SF3B1: variants seen among roughly 807,000 people sequenced by gnomAD.
SF3B1 encodes the protein splicing factor 3b subunit 1.
Under a neutral mutation model 153.8 loss-of-function variants are expected in SF3B1, and 12 were observed. The observed-to-expected ratio is 0.08, with a 90% CI of 0.05 to 0.13. SF3B1 has a LOEUF of 0.13. SF3B1 is among the 10% of genes least tolerant of loss of function. The pLI is 1.00. For missense variants in SF3B1, 513 were observed against 1,606.1 expected, an observed-to-expected ratio of 0.32 and a Z score of 11.63; for synonymous variants, 498 against 525.2, an observed-to-expected ratio of 0.95 and a Z score of 0.71.
chr2:197,418,649 C>G (rs536644492), intron 4 of SF3B1, 61 bp from the exon 5 acceptor site: 2 of 1,571,982 alleles, frequency 1.3e-6, no homozygotes, highest in Admixed American at 1.9e-5. Flanking sequence ...GCAGGTTCAA[C>G]TGATTTATCT....
chr2:197,422,085 C>T (rs939027782), intron 2 of SF3B1, among the ~76,000 whole-genome samples: 3 of 152,082 alleles, frequency 2.0e-5, no homozygotes, highest in Admixed American at 6.6e-5. Context: ...CTTAACACCT[C>T]ACTTATTTTA....
chr2:197,395,237 A>AT (rs891729854), intron 23 of SF3B1, among the ~76,000 whole-genome samples: 4 of 152,032 alleles, frequency 2.6e-5, no homozygotes, highest in South Asian at 2.1e-4. Flanking sequence ...ATTTACCCTC[A>AT]TTTTTTTTAG....
Position 197,391,027 on chromosome 2 carries a change from A to G in SF3B1, c.*1276T>C, listed in dbSNP as rs1453428268. 1.3e-5 allele frequency: 2 copies of G among 152,224 alleles called. No individual in the cohort carries two copies. Among genetic ancestry groups the G allele is most frequent in the Admixed American group, 6.5e-5 (1 of 15,286 alleles). 9.4% of individuals were successfully genotyped at this position (152,224 alleles called of 1,614,324 possible). A position where few individuals can be genotyped will look rare whatever the true frequency, so the allele number is the denominator to read the frequency against. ...TTTTTTTTCCCTTTAGAGTTCACAG[A>G]AGTACTACCACATGGAGACAAAACA... On this transcript the variant is annotated 3_prime_UTR_variant, in exon 25 of 25. Transcript: ENST00000335508.
intron 6 of SF3B1, among the ~76,000 whole-genome samples, chr2:197,415,688 T>G (rs913795071): frequency 4.6e-5 from 7 of 152,264 alleles, no homozygotes; most frequent in East Asian, 1.9e-4. Flanking sequence ...GCTACTTTTA[T>G]GCAGCACTTA....
intron 1 of SF3B1, among the ~76,000 whole-genome samples, chr2:197,433,709 C>T (rs1001650039): frequency 1.3e-4 from 19 of 151,720 alleles, no homozygotes; most frequent in African/African-American, 4.6e-4. Context: ...ACATTCTGGT[C>T]CTAATCCAAC....
intron 5 of SF3B1, among the ~76,000 whole-genome samples, chr2:197,418,259 A>AAAAAAAAAAAAAAAAAAAAAC (rs2085185499): frequency 7.2e-6 from 1 of 138,632 alleles, no homozygotes; most frequent in African/African-American, 2.7e-5. Flanking sequence ...AAAAAAAAAA[A>AAAAAAAAAAAAAAAAAAAAAC]AAAAATCCCT....
Position 197,402,341 on chromosome 2 carries a change from C to T in SF3B1, c.2078-211G>A, listed in dbSNP as rs761655055. 5.7e-6 allele frequency: 4 copies of T among 702,358 alleles called. No individual in the cohort carries two copies. The highest frequency in any genetic ancestry group is 9.3e-6 in the Non-Finnish European group (4 of 431,958). The allele number at this position is 702,358 out of a possible 1,614,324, so 43.5% of individuals were successfully genotyped here. A position where few individuals can be genotyped will look rare whatever the true frequency, so the allele number is the denominator to read the frequency against. ...AAATCTATAGTTTGTAGAGCTATGC[C>T]TTTCCATTTATCTCCCCAAATCAGT... On this transcript the variant is annotated intron_variant, in intron 14 of 24. Coordinates refer to ENST00000335508, the MANE Select transcript of SF3B1 (RefSeq NM_012433.4). This position sits in a 1 kb window ranked among gnomAD's most constrained non-coding sequence, Gnocchi z 4.6.
intron 1 of SF3B1, among the ~76,000 whole-genome samples, chr2:197,433,874 A>C (rs555372302): frequency 3.9e-5 from 6 of 152,332 alleles, no homozygotes; most frequent in African/African-American, 1.4e-4. Flanking sequence ...GATCCTTTTA[A>C]AACACGGTCA....
At position 197,403,714 on chromosome 2, in the gene SF3B1, A is replaced by C; in HGVS notation, c.1590T>G (p.Pro530=). The C allele has an allele frequency of 6.3e-7, 1 of 1,597,594 alleles. No individual in the cohort carries two copies. Reference sequence around the variant, plus strand: ...GCAGAGGAAGAATCTGATTAAACAAAGGACCAGCTCCAAATTCACGAGCTT... The same window carrying C: ...GCAGAGGAAGAATCTGATTAAACAACGGACCAGCTCCAAATTCACGAGCTT... ...TDKAREFGAG[P]LFNQILPLLM... The change falls in exon 12 of 25, where the codon CCT becomes CCG. Residue 530 remains proline (P), a synonymous_variant. Transcript: ENST00000335508.
intron 1 of SF3B1, among the ~76,000 whole-genome samples, chr2:197,425,919 A>G (rs1357168704): frequency 6.6e-6 from 1 of 151,762 alleles, no homozygotes; most frequent in Admixed American, 6.6e-5. Flanking sequence ...GGACTGTTTG[A>G]GCCCAGGAGG....
At chr2:197,426,272 C>T (rs1396062933) in intron 1 of SF3B1, among the ~76,000 whole-genome samples, 1 of 151,360 alleles carries the variant, frequency 6.6e-6, no homozygotes, top group East Asian at 1.9e-4. Context: ...ATTTGCCCCA[C>T]TCCCACCCCC....
chr2:197,429,996 G>A (rs1481360605), intron 1 of SF3B1, among the ~76,000 whole-genome samples: 1 of 152,026 alleles, frequency 6.6e-6, no homozygotes, highest in Admixed American at 6.6e-5. Flanking sequence ...CGAAACCACA[G>A]GACAAAGGTT....
intron 1 of SF3B1, among the ~76,000 whole-genome samples, chr2:197,426,880 G>C (rs2085344915): frequency 6.6e-6 from 1 of 151,918 alleles, no homozygotes; most frequent in Non-Finnish European, 1.5e-5. Flanking sequence ...AAACAGGAAA[G>C]GGGTGCTGTT....
chr2:197,425,283 T>C (rs983017306), intron 1 of SF3B1, among the ~76,000 whole-genome samples: 2 of 152,104 alleles, frequency 1.3e-5, no homozygotes, highest in Admixed American at 6.5e-5. Flanking sequence ...CTGGCCAATG[T>C]GCTAAAACCC....
At chr2:197,424,479 A>G (rs1238580250) in intron 1 of SF3B1, among the ~76,000 whole-genome samples, 1 of 148,884 alleles carries the variant, frequency 6.7e-6, no homozygotes, top group Admixed American at 6.7e-5. Flanking sequence ...GTGACAGAGC[A>G]AGACTCTATC....
In SF3B1 at chr2:197,420,933, T is replaced by C. The variant is rs188061509; in HGVS notation, c.300+96A>G. ...CAAAATAAGTTATTATTTATAATTATCCTTAAAGCATCCTAAAATTTATGG... is the reference window on the plus strand; with the variant it reads ...CAAAATAAGTTATTATTTATAATTACCCTTAAAGCATCCTAAAATTTATGG... On this transcript the variant is annotated intron_variant, in intron 3 of 24. Coordinates refer to ENST00000335508, the MANE Select transcript of SF3B1 (RefSeq NM_012433.4). 6.4e-4 allele frequency: 475 copies of C among 747,156 alleles called. 2 individuals carry two copies. The highest frequency in any genetic ancestry group is 2.3e-3 in the Admixed American group (92 of 39,354). The allele number at this position is 747,156 out of a possible 1,614,324, so 46.3% of individuals were successfully genotyped here.
intron 6 of SF3B1, among the ~76,000 whole-genome samples, chr2:197,415,754 T>C (rs1401910434): frequency 6.6e-6 from 1 of 152,162 alleles, no homozygotes; most frequent in African/African-American, 2.4e-5. Context: ...AATACAACCA[T>C]TTCTACAGAA....
At position 197,400,498 on chromosome 2, in the gene SF3B1, C is replaced by A; in HGVS notation, c.2719-64G>T. 1 of 1,387,036 alleles carries A rather than the reference C, an allele frequency of 7.2e-7. No homozygotes were observed. Among genetic ancestry groups the A allele is most frequent in the Non-Finnish European group, 9.8e-7 (1 of 1,015,680 alleles). The allele number at this position is 1,387,036 out of a possible 1,614,324, so 85.9% of individuals were successfully genotyped here. A position where few individuals can be genotyped will look rare whatever the true frequency, so the allele number is the denominator to read the frequency against. On this transcript the variant is annotated intron_variant, in intron 18 of 24. Transcript: ENST00000335508. The surrounding 1 kb of genome is among the most constrained non-coding windows in gnomAD (Gnocchi z 5.0). ...TTTATGACTGCACAGTTGAAATACACTAAGAGTCAACCTTTTCTAACCACC... is the reference window on the plus strand; with the variant it reads ...TTTATGACTGCACAGTTGAAATACAATAAGAGTCAACCTTTTCTAACCACC...
intron 4 of SF3B1, chr2:197,418,823 A>C: frequency 6.6e-7 from 1 of 1,509,176 alleles, no homozygotes; most frequent in Non-Finnish European, 8.8e-7. Context: ...AATGCATATA[A>C]AAACAAAATG....
Sources: gnomAD v4.1 joint callset for allele counts (sites outside exome capture counted in the v4.1 genomes callset) on GRCh38, gnomAD v4.1.1 for gene constraint, Gnocchi (gnomAD v3.1) non-coding constraint, MANE v1.5 for transcripts, NCBI Gene and HGNC (gene_info 2026-07-23, HGNC 2026-07-21) for gene names.